CHRM2: variants seen among roughly 807,000 people sequenced by gnomAD.
The protein encoded by CHRM2 is cholinergic receptor muscarinic 2, also known as muscarinic acetylcholine receptor M2.
A neutral mutation model predicts 25.0 loss-of-function variants in CHRM2; 8 were observed. The observed-to-expected ratio is 0.32, with a 90% CI of 0.19 to 0.58. The LOEUF is 0.58. Among genes scored for constraint, CHRM2 ranks in the 20% least tolerant of loss-of-function variants. The pLI, the probability that CHRM2 is intolerant of heterozygous loss-of-function variation, is 0.88. For missense variants in CHRM2, 440 were observed against 567.1 expected, an observed-to-expected ratio of 0.78 and a Z score of 2.28; for synonymous variants, 202 against 205.7, an observed-to-expected ratio of 0.98 and a Z score of 0.15.
At chr7:136,883,403 G>A (rs1360563255) in intron 2 of CHRM2, among the ~76,000 whole-genome samples, 1 of 152,016 alleles carries the variant, frequency 6.6e-6, no homozygotes, top group South Asian at 2.1e-4. Flanking sequence ...GATTTAGTGG[G>A]GTGTCCAACA....
intron 2 of CHRM2, among the ~76,000 whole-genome samples, chr7:136,984,440 G>C (rs1802704914): frequency 6.6e-6 from 1 of 151,960 alleles, no homozygotes; most frequent in Non-Finnish European, 1.5e-5. Context: ...CCATTCCAGG[G>C]AAGTGAACAG....
intron 2 of CHRM2, among the ~76,000 whole-genome samples, chr7:136,991,419 C>T (rs1223389182): frequency 6.6e-6 from 1 of 152,082 alleles, no homozygotes; most frequent in African/African-American, 2.4e-5. Flanking sequence ...GCCTATGCTC[C>T]TTTGTCAAAA....
chr7:136,952,507 A>G lies in CHRM2; in HGVS notation c.-124-39680A>G, dbSNP rs540714146. Among the ~76,000 whole-genome samples the G allele has an allele frequency of 9.4e-4, 143 of 152,246 alleles. 3 individuals are homozygous for G. Among genetic ancestry groups the G allele is most frequent in the Admixed American group, 9.2e-3 (141 of 15,286 alleles). ...GAAGTTCTGGTCGTCTGACTTCTAC[A>G]CTGCTGTTCTCTACCCATGATGACT... On this transcript the variant is annotated intron_variant, in intron 2 of 3. Transcript: ENST00000680005.
chr7:136,940,666 T>C (rs1049018986), intron 2 of CHRM2, among the ~76,000 whole-genome samples: 2 of 152,112 alleles, frequency 1.3e-5, no homozygotes, highest in African/African-American at 4.8e-5. Flanking sequence ...TGCATAAAAA[T>C]AATATATATT....
intron 2 of CHRM2, among the ~76,000 whole-genome samples, chr7:136,961,381 C>G (rs1488782894): frequency 6.6e-6 from 1 of 152,088 alleles, no homozygotes; most frequent in Non-Finnish European, 1.5e-5. Flanking sequence ...TTTTGACTTA[C>G]AATAGGTTTA....
chr7:136,995,720 C>G (rs1399040339), intron 3 of CHRM2, among the ~76,000 whole-genome samples: 1 of 152,034 alleles, frequency 6.6e-6, no homozygotes, highest in Non-Finnish European at 1.5e-5. Context: ...GCCAAGACTG[C>G]ACCACTGCAC....
intron 2 of CHRM2, among the ~76,000 whole-genome samples, chr7:136,991,327 T>TA (rs1803211915): frequency 6.6e-6 from 1 of 152,122 alleles, no homozygotes; most frequent in Non-Finnish European, 1.5e-5. Flanking sequence ...GGTCTGTGCT[T>TA]AGATTCATTG....
At chr7:136,915,034 T>C (rs769453471) in intron 2 of CHRM2, among the ~76,000 whole-genome samples, 39 of 151,866 alleles carry the variant, frequency 2.6e-4, no homozygotes, top group Admixed American at 6.6e-4. Context: ...ATGAAGAGTA[T>C]GACATGTAGG....
At chr7:136,934,779 A>C (rs1584782500) in intron 2 of CHRM2, among the ~76,000 whole-genome samples, 1 of 152,198 alleles carries the variant, frequency 6.6e-6, no homozygotes, top group Non-Finnish European at 1.5e-5. Context: ...TATTAAAAAT[A>C]ATAGAAGAGT....
chr7:136,986,573 A>G (rs1017936768), intron 2 of CHRM2, among the ~76,000 whole-genome samples: 2 of 152,210 alleles, frequency 1.3e-5, no homozygotes, highest in Non-Finnish European at 2.9e-5. Flanking sequence ...GGGTTCATCA[A>G]TTAAGATATA....
At chr7:136,946,628 T>C (rs2130838291) in intron 2 of CHRM2, among the ~76,000 whole-genome samples, 1 of 152,318 alleles carries the variant, frequency 6.6e-6, no homozygotes, top group South Asian at 2.1e-4. Context: ...CAATACAGAA[T>C]GTATACTTTA....
At chr7:136,907,754 G>A (rs1350642772) in intron 2 of CHRM2, 1 of 151,880 alleles carries the variant, frequency 6.6e-6, no homozygotes, top group Non-Finnish European at 1.5e-5. Context: ...ATTTTCTCAA[G>A]TTTTGCAAAA....
chr7:136,965,873 C>T (rs911997935), intron 2 of CHRM2, among the ~76,000 whole-genome samples: 3 of 151,822 alleles, frequency 2.0e-5, no homozygotes, highest in Non-Finnish European at 4.4e-5. Flanking sequence ...AGGGAATACA[C>T]CTAAATGAGC....
intron 3 of CHRM2, among the ~76,000 whole-genome samples, chr7:137,002,152 G>C (rs1014557166): frequency 5.3e-5 from 8 of 152,072 alleles, no homozygotes; most frequent in Non-Finnish European, 8.8e-5. Flanking sequence ...TGTTTGTTTT[G>C]TTTTGTTTGT....
intron 3 of CHRM2, among the ~76,000 whole-genome samples, 155 bp from the exon 4 acceptor site, chr7:137,014,658 GTCTTGCT>G (rs977279542): frequency 8.9e-4 from 136 of 152,058 alleles, no homozygotes; most frequent in African/African-American, 3.2e-3. Context: ...CCATTTGAAG[GTCTTGCT>G]TTTTACATGG....
chr7:136,963,937 A>AT (rs1298961122), intron 2 of CHRM2, among the ~76,000 whole-genome samples: 1 of 152,158 alleles, frequency 6.6e-6, no homozygotes, highest in Non-Finnish European at 1.5e-5. Context: ...GGTGGCACTG[A>AT]TGTCCTCTCT....
chr7:136,942,191 G>A (rs1433546613), intron 2 of CHRM2, among the ~76,000 whole-genome samples: 2 of 152,070 alleles, frequency 1.3e-5, no homozygotes, highest in South Asian at 4.1e-4. Flanking sequence ...AATATTTGAG[G>A]TCTGTTGTTT....
At chr7:137,011,070 A>C (rs1804773291) in intron 3 of CHRM2, among the ~76,000 whole-genome samples, 1 of 151,834 alleles carries the variant, frequency 6.6e-6, no homozygotes, top group African/African-American at 2.4e-5. Context: ...TTGTTCCATA[A>C]ATTTTATGTA....
intron 2 of CHRM2, among the ~76,000 whole-genome samples, chr7:136,901,480 A>G (rs955420025): frequency 1.3e-5 from 2 of 152,164 alleles, no homozygotes; most frequent in South Asian, 2.1e-4. Context: ...TTTAGCATCT[A>G]TAATGTGCTG....
Sources: gnomAD v4.1 joint callset for allele counts (sites outside exome capture counted in the v4.1 genomes callset) on GRCh38, gnomAD v4.1.1 for gene constraint, MANE v1.5 for transcripts, NCBI Gene and HGNC (gene_info 2026-07-23, HGNC 2026-07-21) for gene names.